The following KRTAP5-2 variants were observed in gnomAD, a reference collection of about 807,000 sequenced individuals.
KRTAP5-2 encodes keratin-associated protein 5-2.
For missense variants in KRTAP5-2, 188 were observed against 212.8 expected, an observed-to-expected ratio of 0.88 and a Z score of 0.73; for synonymous variants, 79 against 82.7, an observed-to-expected ratio of 0.96 and a Z score of 0.24.
At position 1,597,454 on chromosome 11, in the gene KRTAP5-2, G is replaced by A. The variant is rs1036225262; in HGVS notation, c.*263C>T. ...AGAAGAAGATGGTCCACACCCAAGT[G>A]CAGGGAACATCGTGGCAGTCGGCTG... On this transcript the variant is annotated 3_prime_UTR_variant, in exon 1 of 1. Transcript: ENST00000412090. 7.9e-5 allele frequency: 47 copies of A among 593,798 alleles called. No homozygotes were observed. The highest frequency in any genetic ancestry group is 6.0e-4 in the African/African-American group (32 of 53,396). The allele number at this position is 593,798 out of a possible 1,614,324, so 36.8% of individuals were successfully genotyped here.
chr11:1,598,290 G>A lies in KRTAP5-2; in HGVS notation c.-40C>T. The A allele has an allele frequency of 6.2e-7, 1 of 1,613,960 alleles. No individual in the cohort carries two copies. The highest frequency in any genetic ancestry group is 8.5e-7 in the Non-Finnish European group (1 of 1,179,902). On this transcript the variant is annotated 5_prime_UTR_variant, in exon 1 of 1. Transcript: ENST00000412090. Reference sequence around the variant, plus strand: ...GAGGGTGGAGCAGGTAGAGGAGCAGGTGAGAGGGAGGTGCAGGTGTGGAGC... The same window carrying A: ...GAGGGTGGAGCAGGTAGAGGAGCAGATGAGAGGGAGGTGCAGGTGTGGAGC...
At position 1,598,119 on chromosome 11, in the gene KRTAP5-2, G is replaced by T. The variant is rs375477674; in HGVS notation, c.132C>A (p.Gly44=). Residue 44 remains glycine, a synonymous_variant, in exon 1 of 1, where the codon GGC becomes GGA. Coordinates refer to ENST00000412090, the MANE Select transcript of KRTAP5-2 (RefSeq NM_001004325.2). ...CACATCCCCCACAGCTGGAGCTGCAGCCCCCACAGCCAGAGCCACAGCCCC... is the reference window on the plus strand; with the variant it reads ...CACATCCCCCACAGCTGGAGCTGCATCCCCCACAGCCAGAGCCACAGCCCC... The part of the protein sequence containing the change: ...GRGGCGSGCG[G]CSSSCGGCGS... 6.2e-7 allele frequency: 1 copy of T among 1,606,264 alleles called. No homozygotes were observed. Among genetic ancestry groups the T allele is most frequent in the African/African-American group, 1.4e-5 (1 of 73,028 alleles).
chr11:1,598,045 C>T lies in KRTAP5-2; in HGVS notation c.206G>A (p.Trp69Ter), dbSNP rs760241097. The change falls in exon 1 of 1, where the codon TGG becomes TAG. Residue 69 changes from tryptophan (W) to a stop codon, truncating the protein, a stop_gained. Coordinates refer to ENST00000412090, the MANE Select transcript of KRTAP5-2 (RefSeq NM_001004325.2). LOFTEE classifies it low-confidence loss of function (END_TRUNC). ...PVCCCKPVCS[W>*]VPACSCTSCG... The stretch of plus-strand genomic sequence containing the variant: ...GCTGGTGCAGGAACAGGCTGGCACC[C>T]AGGAGCACACGGGCTTGCAGCAGCA... 6.2e-7 allele frequency: 1 copy of T among 1,608,312 alleles called. No homozygotes were observed. Among genetic ancestry groups the T allele is most frequent in the Non-Finnish European group, 8.5e-7 (1 of 1,178,202 alleles).
chr11:1,597,907 T>G lies in KRTAP5-2; in HGVS notation c.344A>C (p.Gln115Pro). The change falls in exon 1 of 1, where the codon CAG (glutamine) becomes CCG (proline). Residue 115 changes from glutamine to proline, a missense_variant. Physicochemically the swap from Gln to Pro is moderately conservative, Grantham distance 76 (BLOSUM62 -1). Coordinates refer to ENST00000412090, the MANE Select transcript of KRTAP5-2 (RefSeq NM_001004325.2). Reference protein sequence around the residue: ...KGGCGSCGCSQSSCCKPCCCS... With the variant: ...KGGCGSCGCSPSSCCKPCCCS... ...GCAACAGGGCTTACAACAGCTGGAC[T>G]GGGAGCAGCCACAAGAACCACAGCC... 1 of 1,613,216 alleles carries G rather than the reference T, an allele frequency of 6.2e-7. No homozygotes were observed. The highest frequency in any genetic ancestry group is 1.3e-5 in the African/African-American group (1 of 74,676).
At position 1,597,788 on chromosome 11, in the gene KRTAP5-2, A is replaced by C. The variant is rs1208138576; in HGVS notation, c.463T>G (p.Ser155Ala). The C allele has an allele frequency of 3.1e-6, 5 of 1,613,874 alleles. No homozygotes were observed. The highest frequency in any genetic ancestry group is 3.3e-5 in the Admixed American group (2 of 59,994). The change falls in exon 1 of 1, where the codon TCC (serine) becomes GCC (alanine). Residue 155 changes from serine to alanine, a missense_variant. By Grantham distance (99) the Ser-to-Ala change is moderately conservative. Coordinates refer to ENST00000412090, the MANE Select transcript of KRTAP5-2 (RefSeq NM_001004325.2). ...CAGCAACAGGGCTTGCAGCAGCTGG[A>C]CTGGCAGCACACGGGGACACAGCAG... ...SSCCVPVCCQ[S>A]SCCKPCCCQS...
rs1849300667 is a variant in KRTAP5-2, at chr11:1,597,461, A to G, written c.*256T>C. On this transcript the variant is annotated 3_prime_UTR_variant, in exon 1 of 1. Coordinates refer to ENST00000412090, the MANE Select transcript of KRTAP5-2 (RefSeq NM_001004325.2). ...GATGGTCCACACCCAAGTGCAGGGA[A>G]CATCGTGGCAGTCGGCTGGGTGCCT... The G allele has an allele frequency of 1.7e-6, 1 of 596,604 alleles. No homozygotes were observed. The highest frequency in any genetic ancestry group is 3.0e-6 in the Non-Finnish European group (1 of 333,090). The allele number at this position is 596,604 out of a possible 1,614,324, so 37.0% of individuals were successfully genotyped here.
Position 1,597,978 on chromosome 11 carries a change from ACAGGAGCCACAGCCCCCCTTGGAGC to A in KRTAP5-2, c.248_272del (p.Gly83ValfsTer101). 1 of 1,296,168 alleles carries A rather than the reference ACAGGAGCCACAGCCCCCCTTGGAGC, an allele frequency of 7.7e-7. No individual in the cohort carries two copies. The highest frequency in any genetic ancestry group is 1.3e-5 in the South Asian group (1 of 77,254). The allele number at this position is 1,296,168 out of a possible 1,614,324, so 80.3% of individuals were successfully genotyped here. A position where few individuals can be genotyped will look rare whatever the true frequency, so the allele number is the denominator to read the frequency against. On this transcript the variant is annotated frameshift_variant, in exon 1 of 1. Coordinates refer to ENST00000412090, the MANE Select transcript of KRTAP5-2 (RefSeq NM_001004325.2). LOFTEE classifies it low-confidence loss of function (END_TRUNC). ...AGCCACAGCCCCCCTTGGAGCCCCC[ACAGGAGCCACAGCCCCCCTTGGAGC>A]CCCCACAGGAGCCACAGCTGGTGCA... is the stretch of plus-strand genomic sequence containing the variant.
In KRTAP5-2 at chr11:1,597,924, A is replaced by G. The variant is rs1360073248; in HGVS notation, c.327T>C (p.Gly109=). The change falls in exon 1 of 1, where the codon GGT becomes GGC. Residue 109 remains glycine (G), a synonymous_variant. Coordinates refer to ENST00000412090, the MANE Select transcript of KRTAP5-2 (RefSeq NM_001004325.2). The part of the protein sequence containing the change: ...GSCGGSKGGC[G]SCGCSQSSCC... Reference sequence around the variant, plus strand: ...AGCTGGACTGGGAGCAGCCACAAGAACCACAGCCCCCCTTGGAACCCCCAC... The same window carrying G: ...AGCTGGACTGGGAGCAGCCACAAGAGCCACAGCCCCCCTTGGAACCCCCAC... 6.2e-7 allele frequency: 1 copy of G among 1,612,442 alleles called. No homozygotes were observed. Among genetic ancestry groups the G allele is most frequent in the Non-Finnish European group, 8.5e-7 (1 of 1,179,500 alleles).
chr11:1,597,886 C>T lies in KRTAP5-2; in HGVS notation c.365G>A (p.Cys122Tyr), dbSNP rs1441263142. 2.5e-6 allele frequency: 4 copies of T among 1,613,946 alleles called. No homozygotes were observed. The South Asian group carries it at 3.3e-5, about 13-fold the overall frequency. The change falls in exon 1 of 1, where the codon TGT becomes TAT. Residue 122 changes from cysteine to tyrosine, a missense_variant. Coordinates refer to ENST00000412090, the MANE Select transcript of KRTAP5-2 (RefSeq NM_001004325.2). The part of the protein sequence containing the change: ...GCSQSSCCKP[C>Y]CCSSGCGSSC... ...TGATCCACAGCCTGAGGAGCAGCAACAGGGCTTACAACAGCTGGACTGGGA... is the reference window on the plus strand; with the variant it reads ...TGATCCACAGCCTGAGGAGCAGCAATAGGGCTTACAACAGCTGGACTGGGA...
rs1317107487 is a variant in KRTAP5-2, at chr11:1,597,671, A to G, written c.*46T>C. The G allele has an allele frequency of 6.2e-7, 1 of 1,610,818 alleles. No homozygotes were observed. The highest frequency in any genetic ancestry group is 1.1e-5 in the South Asian group (1 of 90,988). On this transcript the variant is annotated 3_prime_UTR_variant, in exon 1 of 1. Transcript: ENST00000412090. ...GAACTGACTCAGGGAACCATAAGAA[A>G]TGCTTTCACCAAACAGGAGAAACCT...
chr11:1,597,674 C>T lies in KRTAP5-2; in HGVS notation c.*43G>A. The stretch of plus-strand genomic sequence containing the variant: ...CTGACTCAGGGAACCATAAGAAATG[C>T]TTTCACCAAACAGGAGAAACCTGAA... On this transcript the variant is annotated 3_prime_UTR_variant, in exon 1 of 1. Coordinates refer to ENST00000412090, the MANE Select transcript of KRTAP5-2 (RefSeq NM_001004325.2). 6.2e-7 allele frequency: 1 copy of T among 1,611,520 alleles called. No individual in the cohort carries two copies. The highest frequency in any genetic ancestry group is 8.5e-7 in the Non-Finnish European group (1 of 1,177,964).
chr11:1,597,469 G>A lies in KRTAP5-2; in HGVS notation c.*248C>T. On this transcript the variant is annotated 3_prime_UTR_variant, in exon 1 of 1. Transcript: ENST00000412090. The stretch of plus-strand genomic sequence containing the variant: ...ACACCCAAGTGCAGGGAACATCGTG[G>A]CAGTCGGCTGGGTGCCTGCGTCCAG... 1 of 626,264 alleles carries A rather than the reference G, an allele frequency of 1.6e-6. No homozygotes were observed. The highest frequency in any genetic ancestry group is 2.8e-6 in the Non-Finnish European group (1 of 355,082). The allele number at this position is 626,264 out of a possible 1,614,324, so 38.8% of individuals were successfully genotyped here. A position where few individuals can be genotyped will look rare whatever the true frequency, so the allele number is the denominator to read the frequency against.
rs1220239118 is a variant in KRTAP5-2, at chr11:1,598,264, T to A, written c.-14A>T. 2 of 1,613,676 alleles carry A rather than the reference T, an allele frequency of 1.2e-6. No individual in the cohort carries two copies. The highest frequency in any genetic ancestry group is 1.7e-6 in the Non-Finnish European group (2 of 1,179,934). On this transcript the variant is annotated 5_prime_UTR_variant, in exon 1 of 1. Transcript: ENST00000412090. ...ACAGCAGCCCATGGTTCTGGTGGATTGAGGGTGGAGCAGGTAGAGGAGCAG... is the reference window on the plus strand; with the variant it reads ...ACAGCAGCCCATGGTTCTGGTGGATAGAGGGTGGAGCAGGTAGAGGAGCAG...
At position 1,597,662 on chromosome 11, in the gene KRTAP5-2, C is replaced by T. The variant is rs145895339; in HGVS notation, c.*55G>A. ...GTGTGGGACGAACTGACTCAGGGAA[C>T]CATAAGAAATGCTTTCACCAAACAG... On this transcript the variant is annotated 3_prime_UTR_variant, in exon 1 of 1. Transcript: ENST00000412090. 3.4e-5 allele frequency: 55 copies of T among 1,608,558 alleles called. 1 individual carries two copies. In the East Asian group the frequency reaches 1.2e-3, roughly 36 times the overall value.
At position 1,597,504 on chromosome 11, in the gene KRTAP5-2, C is replaced by A; in HGVS notation, c.*213G>T. On this transcript the variant is annotated 3_prime_UTR_variant, in exon 1 of 1. Coordinates refer to ENST00000412090, the MANE Select transcript of KRTAP5-2 (RefSeq NM_001004325.2). ...GGGTGCCTGCGTCCAGGCGAGGACACCTCCCGCATCAGGGAAACACACGTT... is the reference window on the plus strand; with the variant it reads ...GGGTGCCTGCGTCCAGGCGAGGACAACTCCCGCATCAGGGAAACACACGTT... 1.3e-6 allele frequency: 1 copy of A among 795,850 alleles called. No individual in the cohort carries two copies. The highest frequency in any genetic ancestry group is 2.0e-6 in the Non-Finnish European group (1 of 501,668). The allele number at this position is 795,850 out of a possible 1,614,324, so 49.3% of individuals were successfully genotyped here. A position where few individuals can be genotyped will look rare whatever the true frequency, so the allele number is the denominator to read the frequency against.
chr11:1,597,520 A>G lies in KRTAP5-2; in HGVS notation c.*197T>C. 1.1e-6 allele frequency: 1 copy of G among 897,806 alleles called. No homozygotes were observed. The highest frequency in any genetic ancestry group is 1.7e-6 in the Non-Finnish European group (1 of 591,892). The allele number at this position is 897,806 out of a possible 1,614,324, so 55.6% of individuals were successfully genotyped here. A position where few individuals can be genotyped will look rare whatever the true frequency, so the allele number is the denominator to read the frequency against. ...GCGAGGACACCTCCCGCATCAGGGAAACACACGTTTCTGGAGTGAGGAGGC... is the reference window on the plus strand; with the variant it reads ...GCGAGGACACCTCCCGCATCAGGGAGACACACGTTTCTGGAGTGAGGAGGC... On this transcript the variant is annotated 3_prime_UTR_variant, in exon 1 of 1. Coordinates refer to ENST00000412090, the MANE Select transcript of KRTAP5-2 (RefSeq NM_001004325.2).
rs372823155 is a variant in KRTAP5-2 at position 1,598,140 on chromosome 11, G to T, written c.111C>A (p.Gly37=). 4.6e-5 allele frequency: 72 copies of T among 1,567,998 alleles called. No individual in the cohort carries two copies. In the African/African-American group the frequency reaches 8.7e-4, roughly 19 times the overall value. Residue 37 remains glycine (G), a synonymous_variant, in exon 1 of 1, where the codon GGC becomes GGA. Coordinates refer to ENST00000412090, the MANE Select transcript of KRTAP5-2 (RefSeq NM_001004325.2). ...GCGGCGSGRG[G]CGSGCGGCSS... Reference sequence around the variant, plus strand: ...TGCAGCCCCCACAGCCAGAGCCACAGCCCCCACGGCCGGAGCCACAGCCCC... The same window carrying T: ...TGCAGCCCCCACAGCCAGAGCCACATCCCCCACGGCCGGAGCCACAGCCCC...
Position 1,597,921 on chromosome 11 carries a change from A to G in KRTAP5-2, c.330T>C (p.Ser110=), listed in dbSNP as rs1287561808. Reference sequence around the variant, plus strand: ...AACAGCTGGACTGGGAGCAGCCACAAGAACCACAGCCCCCCTTGGAACCCC... The same window carrying G: ...AACAGCTGGACTGGGAGCAGCCACAGGAACCACAGCCCCCCTTGGAACCCC... ...SCGGSKGGCG[S]CGCSQSSCCK... is the part of the protein sequence containing the mutation. Residue 110 remains serine, a synonymous_variant, in exon 1 of 1, where the codon TCT becomes TCC. Transcript: ENST00000412090. 3 of 1,612,834 alleles carry G rather than the reference A, an allele frequency of 1.9e-6. No individual in the cohort carries two copies. Among genetic ancestry groups the G allele is most frequent in the Non-Finnish European group, 2.5e-6 (3 of 1,179,686 alleles).
Position 1,597,658 on chromosome 11 carries a change from G to A in KRTAP5-2, c.*59C>T, listed in dbSNP as rs777215305. ...GGATGTGTGGGACGAACTGACTCAG[G>A]GAACCATAAGAAATGCTTTCACCAA... On this transcript the variant is annotated 3_prime_UTR_variant, in exon 1 of 1. Transcript: ENST00000412090. 6.2e-7 allele frequency: 1 copy of A among 1,607,366 alleles called. No individual in the cohort carries two copies. Among genetic ancestry groups the A allele is most frequent in the Non-Finnish European group, 8.5e-7 (1 of 1,175,386 alleles).
Sources: gnomAD v4.1 joint callset for allele counts on GRCh38, gnomAD v4.1.1 for gene constraint, MANE v1.5 for transcripts, NCBI Gene and HGNC (gene_info 2026-07-23, HGNC 2026-07-21) for gene names.